SCFD2: variants seen among roughly 807,000 people sequenced by gnomAD.
SCFD2 encodes the protein sec1 family domain containing 2.
A neutral mutation model predicts 58.9 loss-of-function variants in SCFD2; 54 were observed. The ratio of observed to expected loss-of-function variants is 0.92; its 90% confidence interval spans 0.74 to 1.15. The LOEUF is 1.15. Ranked by LOEUF, SCFD2 falls within the 50% of genes most tolerant of loss-of-function variation. SCFD2 has a pLI of 0.00. For missense variants in SCFD2, 805 were observed against 836.6 expected, an observed-to-expected ratio of 0.96 and a Z score of 0.47; for synonymous variants, 321 against 335.9, an observed-to-expected ratio of 0.96 and a Z score of 0.49.
rs142389985 is a variant in SCFD2, at chr4:53,134,178, G to A, written c.1561+11155C>T. ...TGATGGTTACCCAGGGCTGGGGTGA[G>A]GGGAACTGGGGAGTTGCTTGCTAAT... On this transcript the variant is annotated intron_variant, in intron 5 of 8. Coordinates refer to ENST00000401642, the MANE Select transcript of SCFD2 (RefSeq NM_152540.4). Among the ~76,000 whole-genome samples the A allele has an allele frequency of 6.9e-3, 1,051 of 152,240 alleles. 11 individuals carry two copies. The highest frequency in any genetic ancestry group is 0.024 in the African/African-American group (990 of 41,534).
rs183135001 is a variant in SCFD2 at position 52,908,898 on chromosome 4, A to G, written c.1708-1307T>C. On this transcript the variant is annotated intron_variant, in intron 6 of 8. Coordinates refer to ENST00000401642, the MANE Select transcript of SCFD2 (RefSeq NM_152540.4). ...GTTTGTCCAGAGATCTCATGGTTACATGATCAGGAAGGGCAAGGCAATGAA... is the reference window on the plus strand; with the variant it reads ...GTTTGTCCAGAGATCTCATGGTTACGTGATCAGGAAGGGCAAGGCAATGAA... Among the ~76,000 whole-genome samples, 33 of 152,348 alleles carry G rather than the reference A, an allele frequency of 2.2e-4. 1 individual carries two copies. Among genetic ancestry groups the G allele is most frequent in the Admixed American group, 2.1e-3 (32 of 15,302 alleles).
chr4:53,038,832 T>C (rs1170653374), intron 5 of SCFD2, among the ~76,000 whole-genome samples: 1 of 151,888 alleles, frequency 6.6e-6, no homozygotes, highest in Non-Finnish European at 1.5e-5. Flanking sequence ...GGGACTATAG[T>C]CATGTACCAC....
At chr4:53,113,576 T>C (rs1464494758) in intron 5 of SCFD2, among the ~76,000 whole-genome samples, 1 of 152,102 alleles carries the variant, frequency 6.6e-6, no homozygotes, top group Non-Finnish European at 1.5e-5. Flanking sequence ...CCCACTAGAA[T>C]GTTCTCCTAA....
intron 4 of SCFD2, among the ~76,000 whole-genome samples, chr4:53,182,365 T>C (rs1269327462): frequency 6.6e-6 from 1 of 152,160 alleles, no homozygotes; most frequent in Non-Finnish European, 1.5e-5. Context: ...TACAACTATC[T>C]GATCTTTGAC....
At chr4:52,907,714 G>A in intron 6 of SCFD2, 123 bp from the exon 7 acceptor site, 3 of 589,834 alleles carry the variant, frequency 5.1e-6, no homozygotes, top group Admixed American at 2.8e-5. Context: ...CTATATGTGT[G>A]TGTGTGTGTG....
rs376463154 is a variant in SCFD2 at position 53,355,264 on chromosome 4, G to A, written c.839-2498C>T. On this transcript the variant is annotated intron_variant, in intron 1 of 8. Transcript: ENST00000401642. ...GATCATTCATACCATTTTTAACACT[G>A]TCTTGAGTAACCAGAATTGTAGTGA... Among the ~76,000 whole-genome samples the A allele has an allele frequency of 3.9e-5, 6 of 152,284 alleles. No individual in the cohort carries two copies. The East Asian group carries it at 7.7e-4, about 20-fold the overall frequency.
intron 4 of SCFD2, among the ~76,000 whole-genome samples, chr4:53,205,585 T>C (rs1207758155): frequency 2.0e-5 from 3 of 151,814 alleles, no homozygotes; most frequent in East Asian, 3.9e-4. Context: ...GAACCAAAGA[T>C]GAAAAAGGCT....
chr4:53,233,548 T>G (rs1729504246), intron 4 of SCFD2, among the ~76,000 whole-genome samples: 1 of 152,212 alleles, frequency 6.6e-6, no homozygotes, highest in South Asian at 2.1e-4. Flanking sequence ...ACACATGATA[T>G]CATTGCTTCT....
chr4:53,254,675 C>T (rs1023833338), intron 4 of SCFD2, among the ~76,000 whole-genome samples: 4 of 151,450 alleles, frequency 2.6e-5, no homozygotes, highest in African/African-American at 9.7e-5. Flanking sequence ...GACCATTTCT[C>T]TTATTCTGAG....
At chr4:53,268,842 A>G (rs114789143) in intron 4 of SCFD2, among the ~76,000 whole-genome samples, 401 of 152,242 alleles carry the variant, frequency 2.6e-3, no homozygotes, top group African/African-American at 9.2e-3. Flanking sequence ...AGCCCAGGTG[A>G]GGTGAGGAGG....
intron 3 of SCFD2, among the ~76,000 whole-genome samples, chr4:53,282,407 ATTGTCTGAAGTTTTTGGCTATTTT>A (rs1731534224): frequency 6.6e-6 from 1 of 151,958 alleles, no homozygotes; most frequent in African/African-American, 2.4e-5. Flanking sequence ...TCTTTCAACT[ATTGTCTGAAGTTTTTGGCTATTTT>A]ATTTTCATAA....
chr4:53,337,503 A>C (rs879291219), intron 2 of SCFD2, among the ~76,000 whole-genome samples: 2 of 152,238 alleles, frequency 1.3e-5, no homozygotes, highest in Non-Finnish European at 2.9e-5. Context: ...ACCAGAACTC[A>C]TATGTATTGC....
chr4:53,022,519 G>A (rs1227341113), intron 5 of SCFD2, among the ~76,000 whole-genome samples: 1 of 152,152 alleles, frequency 6.6e-6, no homozygotes, highest in Non-Finnish European at 1.5e-5. Context: ...CTAGCAAATT[G>A]GAGGTCAGAA....
At chr4:53,238,914 T>C in intron 4 of SCFD2, among the ~76,000 whole-genome samples, 1 of 129,986 alleles carries the variant, frequency 7.7e-6, no homozygotes, top group Non-Finnish European at 1.6e-5. Flanking sequence ...ACATCCCAGA[T>C]GATGGGCGGC....
chr4:52,963,848 T>C (rs960167054), intron 5 of SCFD2, among the ~76,000 whole-genome samples: 1 of 152,172 alleles, frequency 6.6e-6, no homozygotes, highest in Admixed American at 6.5e-5. Flanking sequence ...GTTTCATAAG[T>C]TGGACAAGAA....
In SCFD2 at chr4:53,365,563, C is replaced by T; in HGVS notation, c.379G>A (p.Glu127Lys). ...TGCTCGAACACCGGCTGCTGCCCCT[C>T]CATCTCGGCCGCTGCCGCCGCTGGG... ...HVPAAAAAEM[E>K]GQQPVFEQLE... The change falls in exon 1 of 9, where the codon GAG becomes AAG. Residue 127 changes from glutamate to lysine, a missense_variant. Around this residue, in one of 3 missense-constraint regions of SCFD2, gnomAD observed 17 missense variants for 40.1 expected, o/e 0.42. Transcript: ENST00000401642. This position sits in a 1 kb window ranked among gnomAD's most constrained non-coding sequence, Gnocchi z 4.3. 6.2e-7 allele frequency: 1 copy of T among 1,614,000 alleles called. No individual in the cohort carries two copies. Among genetic ancestry groups the T allele is most frequent in the South Asian group, 1.1e-5 (1 of 91,092 alleles).
chr4:53,041,434 C>A (rs917666106), intron 5 of SCFD2, among the ~76,000 whole-genome samples: 3 of 152,104 alleles, frequency 2.0e-5, no homozygotes, highest in Admixed American at 1.3e-4. Context: ...CCATTCTATT[C>A]AAAATAAATC....
At chr4:52,947,137 G>T (rs1266917051) in intron 5 of SCFD2, among the ~76,000 whole-genome samples, 1 of 151,988 alleles carries the variant, frequency 6.6e-6, no homozygotes, top group Non-Finnish European at 1.5e-5. Context: ...AAAAAGTCTT[G>T]GCAAACTGCA....
At chr4:53,165,794 T>C (rs1004708070) in intron 4 of SCFD2, among the ~76,000 whole-genome samples, 8 of 152,228 alleles carry the variant, frequency 5.3e-5, no homozygotes, top group African/African-American at 1.2e-4. Context: ...ATACTTGATA[T>C]ATAGCAGGAA....
Sources: allele counts gnomAD v4.1 joint callset (sites outside exome capture counted in the v4.1 genomes callset), GRCh38; gene constraint gnomAD v4.1.1; regional missense constraint gnomAD v4.1.1; non-coding constraint Gnocchi (gnomAD v3.1); transcripts MANE v1.5; gene names NCBI Gene and HGNC (gene_info 2026-07-23, HGNC 2026-07-21).